Variants in ASTN1 observed in about 807,000 individuals in gnomAD.
ASTN1 encodes the protein astrotactin 1.
A neutral mutation model predicts 140.7 loss-of-function variants in ASTN1; 41 were observed. That is an observed-to-expected ratio of 0.29 (90% CI 0.23 to 0.38). The LOEUF is 0.38. Ranked by LOEUF, ASTN1 falls within the 10% of genes least tolerant of loss-of-function variation. The probability of loss-of-function intolerance (pLI) is 1.00; values close to 1 mark genes in which losing one functional copy is unlikely to be tolerated. For missense variants in ASTN1, 1,479 were observed against 1,678.8 expected (o/e 0.88, Z 2.08); for synonymous variants, 640 against 652.2 (o/e 0.98, Z 0.29).
intron 16 of ASTN1, among the ~76,000 whole-genome samples, chr1:176,925,815 T>TC (rs1670934060): frequency 6.6e-6 from 1 of 151,472 alleles, no homozygotes; most frequent in African/African-American, 2.4e-5. Flanking sequence ...AGGCATTCTT[T>TC]TTTTTTTTTT....
At chr1:176,869,697 A>C (rs1668261568) in intron 21 of ASTN1, among the ~76,000 whole-genome samples, 1 of 152,178 alleles carries the variant, frequency 6.6e-6, no homozygotes. Flanking sequence ...GCTTCCATCC[A>C]TGATTGGTCT....
intron 1 of ASTN1, among the ~76,000 whole-genome samples, chr1:177,131,305 C>T (rs1051816817): frequency 1.3e-5 from 2 of 152,094 alleles, no homozygotes; most frequent in Non-Finnish European, 2.9e-5. Flanking sequence ...ACAAAAAGAA[C>T]TCTGTTATAC....
chr1:177,093,205 A>G (rs1479219466), intron 1 of ASTN1, among the ~76,000 whole-genome samples: 2 of 152,210 alleles, frequency 1.3e-5, no homozygotes, highest in African/African-American at 4.8e-5. Context: ...TCACATTTCA[A>G]CCACATAATC....
At chr1:177,018,389 G>A (rs551034498) in intron 7 of ASTN1, among the ~76,000 whole-genome samples, 1 of 152,248 alleles carries the variant, frequency 6.6e-6, no homozygotes, top group South Asian at 2.1e-4. Context: ...AACAGGGAAG[G>A]TTAGAGAGAG....
At chr1:177,034,244 AACACACAC>A (rs5778922) in intron 2 of ASTN1, among the ~76,000 whole-genome samples, 1,943 of 143,352 alleles carry the variant, frequency 0.014, 9 homozygotes, top group Middle Eastern at 0.015. Context: ...TGAGCAAAGG[AACACACAC>A]ACACACACAC....
intron 21 of ASTN1, among the ~76,000 whole-genome samples, chr1:176,872,153 C>G (rs1668374490): frequency 6.6e-6 from 1 of 151,502 alleles, no homozygotes; most frequent in African/African-American, 2.4e-5. Context: ...ACATACCCTC[C>G]AAGATTCTTG....
intron 8 of ASTN1, among the ~76,000 whole-genome samples, chr1:176,986,017 G>A (rs923387793): frequency 1.3e-5 from 2 of 152,116 alleles, no homozygotes; most frequent in African/African-American, 4.8e-5. Flanking sequence ...GGCTTCCAGA[G>A]GGCGCAGCTG....
At chr1:176,917,409 A>G (rs1670533573) in intron 16 of ASTN1, among the ~76,000 whole-genome samples, 2 of 152,158 alleles carry the variant, frequency 1.3e-5, no homozygotes, top group Admixed American at 1.3e-4. Flanking sequence ...TTGACTAGTA[A>G]TAATAAAACT....
chr1:177,086,600 A>G (rs77769966), intron 1 of ASTN1, among the ~76,000 whole-genome samples: 7,378 of 152,324 alleles, frequency 0.048, 246 homozygotes, highest in South Asian at 0.13. Context: ...CATGTTTCAA[A>G]GAACATTTAA....
At chr1:177,078,501 T>C (rs1679028513) in intron 1 of ASTN1, among the ~76,000 whole-genome samples, 1 of 152,182 alleles carries the variant, frequency 6.6e-6, no homozygotes, top group Admixed American at 6.5e-5. Flanking sequence ...AGGGCTCTTC[T>C]GATCCTCTGT....
chr1:176,957,576 G>C, intron 11 of ASTN1, 102 bp downstream of exon 11: 1 of 1,415,538 alleles, frequency 7.1e-7, no homozygotes, highest in Non-Finnish European at 9.6e-7. Flanking sequence ...TTACAACTGG[G>C]GATCACAGCA....
At chr1:176,951,840 A>G (rs1270060462) in intron 11 of ASTN1, among the ~76,000 whole-genome samples, 3 of 152,234 alleles carry the variant, frequency 2.0e-5, no homozygotes, top group African/African-American at 7.2e-5. Context: ...TAGTATTAAT[A>G]GCTATCAGAA....
chr1:176,922,556 CAAAA>C (rs71129589), intron 16 of ASTN1, among the ~76,000 whole-genome samples: 2,535 of 77,578 alleles, frequency 0.033, 105 homozygotes, highest in African/African-American at 0.11. Flanking sequence ...GCCCCCACTG[CAAAA>C]AAAAAAAAAA....
intron 17 of ASTN1, 72 bp from the exon 18 acceptor site, chr1:176,888,276 G>A: frequency 8.3e-6 from 13 of 1,561,152 alleles, no homozygotes; most frequent in Non-Finnish European, 1.1e-5. Context: ...AAGAGGCAGA[G>A]TGTCAAGGAT....
At chr1:177,021,822 G>A (rs1675837944) in intron 7 of ASTN1, among the ~76,000 whole-genome samples, 1 of 152,188 alleles carries the variant, frequency 6.6e-6, no homozygotes, top group South Asian at 2.1e-4. Flanking sequence ...ATCCAAGCCA[G>A]CTGGAGAACT....
At chr1:176,998,137 G>C (rs1040000010) in intron 8 of ASTN1, among the ~76,000 whole-genome samples, 3 of 152,070 alleles carry the variant, frequency 2.0e-5, no homozygotes, top group African/African-American at 7.2e-5. Context: ...CAGACTATTA[G>C]GGTCACTCTA....
chr1:177,018,565 C>T (rs557041294), intron 7 of ASTN1, among the ~76,000 whole-genome samples: 3 of 152,258 alleles, frequency 2.0e-5, no homozygotes, highest in Non-Finnish European at 2.9e-5. Flanking sequence ...AAGATTAAAA[C>T]TTAATTTAGC....
At chr1:177,105,979 G>C (rs888560650) in intron 1 of ASTN1, among the ~76,000 whole-genome samples, 1 of 152,138 alleles carries the variant, frequency 6.6e-6, no homozygotes. Context: ...CTGGGAGACA[G>C]AGCGAGACCC....
intron 14 of ASTN1, among the ~76,000 whole-genome samples, chr1:176,939,132 C>A (rs914266173): frequency 1.3e-5 from 2 of 151,584 alleles, no homozygotes; most frequent in African/African-American, 4.8e-5. Context: ...AAAGAAAGTT[C>A]TTTGAGAAAA....
Sources: allele counts gnomAD v4.1 joint callset (sites outside exome capture counted in the v4.1 genomes callset), GRCh38; gene constraint gnomAD v4.1.1; transcripts MANE v1.5; gene names NCBI Gene and HGNC (gene_info 2026-07-23, HGNC 2026-07-21).